The following TYW1 variants were observed in gnomAD, a reference collection of about 807,000 sequenced individuals.
TYW1 encodes S-adenosyl-L-methionine-dependent tRNA 4-demethylwyosine synthase TYW1.
Under a neutral mutation model 96.2 loss-of-function variants are expected in TYW1, and 46 were observed. That is an observed-to-expected ratio of 0.48 (90% CI 0.38 to 0.61). The LOEUF (loss-of-function observed/expected upper bound fraction) is 0.61. Among genes scored for constraint, TYW1 ranks in the 20% least tolerant of loss-of-function variants. TYW1 has a pLI of 0.00. For synonymous variants in TYW1, 274 were observed against 323.0 expected, an observed-to-expected ratio of 0.85 and a Z score of 1.63; for missense variants, 684 against 909.6, an observed-to-expected ratio of 0.75 and a Z score of 3.19.
intron 13 of TYW1, among the ~76,000 whole-genome samples, chr7:67,129,580 T>C (rs1373573326): frequency 6.6e-6 from 1 of 152,254 alleles, no homozygotes; most frequent in Non-Finnish European, 1.5e-5. Flanking sequence ...ACCTCACTTC[T>C]CTGATGGATC....
chr7:67,182,377 A>G (rs539295170), intron 13 of TYW1, among the ~76,000 whole-genome samples: 2 of 152,252 alleles, frequency 1.3e-5, no homozygotes, highest in South Asian at 4.1e-4. Context: ...AGCCTGAATA[A>G]CATAGCAAGG....
chr7:67,026,563 G>A (rs1406783522), intron 7 of TYW1, among the ~76,000 whole-genome samples: 5 of 152,028 alleles, frequency 3.3e-5, no homozygotes, highest in African/African-American at 4.8e-5. Flanking sequence ...AAAAATTCTA[G>A]TAGGTCCTCT....
intron 13 of TYW1, among the ~76,000 whole-genome samples, chr7:67,175,253 C>T (rs1799636515): frequency 6.7e-6 from 1 of 150,212 alleles, no homozygotes; most frequent in Admixed American, 6.7e-5. Context: ...CTCACCGCAA[C>T]CTCCACCTCC....
At chr7:67,143,054 C>CAAAA (rs35144189) in intron 13 of TYW1, among the ~76,000 whole-genome samples, 200 of 136,414 alleles carry the variant, frequency 1.5e-3, no homozygotes, top group African/African-American at 3.0e-3. Flanking sequence ...AACTCCATCT[C>CAAAA]AAAAAAAAAA....
intron 10 of TYW1, 66 bp from the exon 11 acceptor site, chr7:67,083,364 A>T: frequency 1.3e-6 from 2 of 1,509,540 alleles, no homozygotes; most frequent in South Asian, 1.2e-5. Context: ...GGATGACTTC[A>T]TCATAAATGA....
intron 5 of TYW1, among the ~76,000 whole-genome samples, chr7:67,015,840 G>C (rs1490401821): frequency 1.3e-5 from 2 of 151,892 alleles, no homozygotes; most frequent in Non-Finnish European, 2.9e-5. Flanking sequence ...GCGGGTGCCT[G>C]TAGTTCCAGC....
chr7:67,058,581 T>A lies in TYW1; in HGVS notation c.1155+2694T>A, dbSNP rs1273378768. 2.0e-5 allele frequency among the ~76,000 whole-genome samples: 3 copies of A among 152,056 alleles called. No individual in the cohort carries two copies. The East Asian group carries it at 5.8e-4, about 29-fold the overall frequency. On this transcript the variant is annotated intron_variant, in intron 9 of 15. Transcript: ENST00000359626. ...CACTGCAGCCTCCCACCTCCTGGGC[T>A]GAAGTGATCCTCCCTCCTCAGCCTC...
intron 13 of TYW1, among the ~76,000 whole-genome samples, chr7:67,169,938 A>G (rs982619286): frequency 3.3e-5 from 5 of 152,174 alleles, no homozygotes; most frequent in Non-Finnish European, 4.4e-5. Flanking sequence ...GGAGCTGCCA[A>G]CTTGAAGCAC....
intron 9 of TYW1, among the ~76,000 whole-genome samples, chr7:67,062,086 T>C (rs1795711592): frequency 6.6e-6 from 1 of 152,154 alleles, no homozygotes; most frequent in Non-Finnish European, 1.5e-5. Flanking sequence ...ATTTAGTCCA[T>C]TGATCTTAAA....
intron 11 of TYW1, among the ~76,000 whole-genome samples, chr7:67,094,151 A>G (rs2115834433): frequency 6.6e-6 from 1 of 152,220 alleles, no homozygotes; most frequent in South Asian, 2.1e-4. Context: ...AGCTTCATCC[A>G]TGTTCCTGTA....
intron 15 of TYW1, among the ~76,000 whole-genome samples, chr7:67,236,353 G>A (rs112966450): frequency 0.017 from 2,594 of 152,348 alleles, 67 homozygotes; most frequent in African/African-American, 0.058. Context: ...GGAATCAGAA[G>A]GTCAATTGGC....
At chr7:67,063,451 A>T (rs1427681145) in intron 9 of TYW1, among the ~76,000 whole-genome samples, 5 of 152,254 alleles carry the variant, frequency 3.3e-5, no homozygotes. Context: ...AAGAAAATGC[A>T]TACAGGTTGC....
At chr7:67,172,938 A>C (rs1193176599) in intron 13 of TYW1, among the ~76,000 whole-genome samples, 1 of 148,604 alleles carries the variant, frequency 6.7e-6, no homozygotes, top group Non-Finnish European at 1.5e-5. Context: ...TGGGCAACAT[A>C]ATGAGACCCT....
At chr7:67,114,772 T>C (rs56922729) in intron 12 of TYW1, among the ~76,000 whole-genome samples, 41,538 of 152,086 alleles carry the variant, frequency 0.27, 6,429 homozygotes, top group African/African-American at 0.43. Flanking sequence ...TAGAGACCAG[T>C]GTGAGGCAGA....
chr7:67,171,118 T>C (rs1238287949), intron 13 of TYW1, among the ~76,000 whole-genome samples: 2 of 152,098 alleles, frequency 1.3e-5, no homozygotes, highest in Non-Finnish European at 2.9e-5. Flanking sequence ...TGAGTCATTT[T>C]TGGTAATTTA....
At chr7:67,162,901 C>T (rs937259979) in intron 13 of TYW1, among the ~76,000 whole-genome samples, 5 of 152,184 alleles carry the variant, frequency 3.3e-5, no homozygotes, top group Admixed American at 6.5e-5. Flanking sequence ...TTAGAAAGCT[C>T]TTCTCCCAGA....
At chr7:67,201,399 T>A (rs574906411) in intron 15 of TYW1, among the ~76,000 whole-genome samples, 1 of 144,754 alleles carries the variant, frequency 6.9e-6, no homozygotes, top group African/African-American at 2.7e-5. Context: ...TCTAGCAATC[T>A]GAGGGTGAAA....
intron 15 of TYW1, among the ~76,000 whole-genome samples, chr7:67,205,746 A>G (rs1800773370): frequency 6.6e-6 from 1 of 151,652 alleles, no homozygotes; most frequent in African/African-American, 2.4e-5. Context: ...CTGTCTTGCT[A>G]GGCTGCCCTG....
chr7:67,116,469 T>C (rs537041264), intron 12 of TYW1, among the ~76,000 whole-genome samples: 2 of 152,224 alleles, frequency 1.3e-5, no homozygotes, highest in East Asian at 3.9e-4. Flanking sequence ...GTGGATCGCT[T>C]GAGCCCAGGA....
Sources: allele counts gnomAD v4.1 joint callset (sites outside exome capture counted in the v4.1 genomes callset), GRCh38; gene constraint gnomAD v4.1.1; transcripts MANE v1.5; gene names NCBI Gene and HGNC (gene_info 2026-07-23, HGNC 2026-07-21).